The following ADD3 variants were observed in gnomAD, a reference collection of about 807,000 sequenced individuals.
ADD3 encodes adducin 3.
Under a neutral mutation model 80.2 loss-of-function variants are expected in ADD3, and 25 were observed. That is an observed-to-expected ratio of 0.31 (90% CI 0.23 to 0.44). The LOEUF is 0.44. Among genes scored for constraint, ADD3 ranks in the 20% least tolerant of loss-of-function variants. The probability of loss-of-function intolerance (pLI) is 1.00; values close to 1 mark genes in which losing one functional copy is unlikely to be tolerated. For synonymous variants in ADD3, 284 were observed against 289.6 expected (o/e 0.98, Z 0.20); for missense variants, 829 against 847.5 (o/e 0.98, Z 0.27).
chr10:109,996,815 C>G (rs1185459936), intron 1 of ADD3, among the ~76,000 whole-genome samples: 1 of 152,186 alleles, frequency 6.6e-6, no homozygotes, highest in Non-Finnish European at 1.5e-5. Flanking sequence ...TCCTTCCTAC[C>G]TCAGTGGTGT....
chr10:110,095,519 C>T (rs1375713983), intron 1 of ADD3, among the ~76,000 whole-genome samples: 2 of 152,180 alleles, frequency 1.3e-5, no homozygotes, highest in Non-Finnish European at 2.9e-5. Context: ...CAAGGTTCAT[C>T]CATGCTGAAG....
chr10:110,091,338 G>C (rs1044548392), intron 1 of ADD3, among the ~76,000 whole-genome samples: 1 of 152,148 alleles, frequency 6.6e-6, no homozygotes, highest in Non-Finnish European at 1.5e-5. Flanking sequence ...TTTGTGAGAA[G>C]AACCTTTGGT....
At chr10:110,009,000 A>T (rs1319344239) in intron 1 of ADD3, among the ~76,000 whole-genome samples, 1 of 152,202 alleles carries the variant, frequency 6.6e-6, no homozygotes, top group African/African-American at 2.4e-5. Flanking sequence ...ATTATAGCTT[A>T]GGCAAGACCA....
intron 1 of ADD3, among the ~76,000 whole-genome samples, chr10:110,069,546 T>G (rs76028243): frequency 9.4e-5 from 14 of 149,178 alleles, no homozygotes; most frequent in African/African-American, 3.0e-4. Context: ...ATTAGTTGTG[T>G]TTTTTTTTTC....
Position 110,122,285 on chromosome 10 carries a change from A to G in ADD3, c.1136A>G (p.Asp379Gly). ...TTTGAAGGGCTTATGAGGACTCTGG[A>G]CAACTTGGTAGGTTGCAAAATTGAA... ...IEFEGLMRTLDNLGYRTGYAY... is the reference protein window; with the variant it reads ...IEFEGLMRTLGNLGYRTGYAY... The change falls in exon 9 of 15, where the codon GAC (aspartate) becomes GGC (glycine). Residue 379 changes from aspartate to glycine, a missense_variant. Asp to Gly is a moderately conservative substitution (Grantham distance 94, BLOSUM62 -1). Transcript: ENST00000356080. 6.2e-7 allele frequency: 1 copy of G among 1,613,384 alleles called. No individual in the cohort carries two copies.
At position 110,083,537 on chromosome 10, in the gene ADD3, G is replaced by T. The variant is rs1372451563; in HGVS notation, c.-29-17088G>T. 5.3e-5 allele frequency among the ~76,000 whole-genome samples: 8 copies of T among 151,938 alleles called. No individual in the cohort carries two copies. In the East Asian group the frequency reaches 5.8e-4, roughly 11 times the overall value. On this transcript the variant is annotated intron_variant, in intron 1 of 14. Transcript: ENST00000356080. ...TCTCAAAAAAAAAAAGAAAATAGAA[G>T]AAGAAGTATGGTGAGCAAAGCAACA...
In ADD3 at chr10:110,133,441, G is replaced by C. The variant is rs748409384; in HGVS notation, c.1944G>C (p.Arg648Ser). 1.9e-6 allele frequency: 3 copies of C among 1,613,752 alleles called. No individual in the cohort carries two copies. The African/African-American group carries it at 4.0e-5, about 22-fold the overall frequency. ...ATGAGCTTGCTAAGCGAGTGAGTAG[G>C]TTAAGCACAAGTACAACCATAGAAA... ...VEDELAKRVS[R>S]LSTSTTIENI... Residue 648 changes from arginine to serine, a missense_variant, in exon 15 of 15, where the codon AGG (arginine) becomes AGC (serine). By Grantham distance (110) the Arg-to-Ser change is moderately radical. Transcript: ENST00000356080.
intron 1 of ADD3, among the ~76,000 whole-genome samples, chr10:110,095,123 G>A (rs1193754014): frequency 1.3e-5 from 2 of 152,196 alleles, no homozygotes; most frequent in African/African-American, 4.8e-5. Flanking sequence ...CCCCATTTAT[G>A]GAGTTCTCGC....
intron 1 of ADD3, among the ~76,000 whole-genome samples, chr10:110,077,693 TA>T: frequency 6.6e-6 from 1 of 152,332 alleles, no homozygotes; most frequent in East Asian, 1.9e-4. Context: ...GTGTTCTTTC[TA>T]GAGTTTGTGA....
intron 1 of ADD3, among the ~76,000 whole-genome samples, chr10:110,087,419 T>C (rs1040362479): frequency 5.3e-5 from 8 of 152,252 alleles, no homozygotes; most frequent in African/African-American, 1.9e-4. Context: ...TTAACAGTGT[T>C]TCCGCTATGA....
At chr10:110,058,668 TCAC>T (rs1185202070) in intron 1 of ADD3, among the ~76,000 whole-genome samples, 1 of 152,176 alleles carries the variant, frequency 6.6e-6, no homozygotes, top group African/African-American at 2.4e-5. Flanking sequence ...GAAAAAATGC[TCAC>T]CACCTCCTCT....
At chr10:110,090,511 A>AGGTG (rs1446734325) in intron 1 of ADD3, among the ~76,000 whole-genome samples, 5 of 152,154 alleles carry the variant, frequency 3.3e-5, no homozygotes, top group Non-Finnish European at 7.4e-5. Context: ...GTGAGCCACC[A>AGGTG]TGCCCAGCCC....
At position 110,135,078 on chromosome 10, in the gene ADD3, G is replaced by A. The variant is rs1564684668; in HGVS notation, c.*1460G>A. On this transcript the variant is annotated 3_prime_UTR_variant, in exon 15 of 15. Transcript: ENST00000356080. ...CAAAGTGTTTCTTAAGGGTGAGTTG[G>A]CATGCAAAAAATTACATTGATTACA... 1 of 152,176 alleles carries A rather than the reference G, an allele frequency of 6.6e-6. No homozygotes were observed. Among genetic ancestry groups the A allele is most frequent in the Non-Finnish European group, 1.5e-5 (1 of 68,034 alleles). 9.4% of individuals were successfully genotyped at this position (152,176 alleles called of 1,614,324 possible).
At chr10:110,044,888 A>C (rs906247605) in intron 1 of ADD3, among the ~76,000 whole-genome samples, 4 of 152,258 alleles carry the variant, frequency 2.6e-5, no homozygotes, top group African/African-American at 9.6e-5. Flanking sequence ...TCCTCAAAAT[A>C]GATTGCTATG....
chr10:110,044,086 C>G (rs1856658052), intron 1 of ADD3, among the ~76,000 whole-genome samples: 1 of 152,058 alleles, frequency 6.6e-6, no homozygotes, highest in Non-Finnish European at 1.5e-5. Flanking sequence ...GCCTGTAGTC[C>G]CAGCTACTCG....
chr10:110,039,171 G>A (rs1033601288), intron 1 of ADD3, among the ~76,000 whole-genome samples: 3 of 152,128 alleles, frequency 2.0e-5, no homozygotes, highest in African/African-American at 7.2e-5. Flanking sequence ...TTCTGGTATT[G>A]AGCCTTCCTA....
intron 1 of ADD3, among the ~76,000 whole-genome samples, chr10:110,022,062 G>A (rs1853740790): frequency 6.6e-6 from 1 of 152,196 alleles, no homozygotes; most frequent in African/African-American, 2.4e-5. Context: ...AAAGAGGCTA[G>A]GTTAAGATGC....
chr10:110,050,534 G>A (rs1246170694), intron 1 of ADD3, among the ~76,000 whole-genome samples: 3 of 140,652 alleles, frequency 2.1e-5, no homozygotes, highest in Admixed American at 1.5e-4. Context: ...TTTTCCTGAA[G>A]CGGAGTCTCG....
intron 1 of ADD3, among the ~76,000 whole-genome samples, chr10:109,996,749 A>G (rs982500551): frequency 2.0e-5 from 3 of 152,206 alleles, no homozygotes; most frequent in Admixed American, 6.5e-5. Context: ...AGTAGAAACT[A>G]TGAAATAAAA....
Sources: gnomAD v4.1 joint callset for allele counts (sites outside exome capture counted in the v4.1 genomes callset) on GRCh38, gnomAD v4.1.1 for gene constraint, MANE v1.5 for transcripts, NCBI Gene and HGNC (gene_info 2026-07-23, HGNC 2026-07-21) for gene names.